The following NREP variants were observed in gnomAD, a reference collection of about 807,000 sequenced individuals.
The protein encoded by NREP is neuronal regeneration-related protein.
Under a neutral mutation model 8.6 loss-of-function variants are expected in NREP, and 5 were observed. The ratio of observed to expected loss-of-function variants is 0.58; its 90% confidence interval spans 0.30 to 1.22. The LOEUF (loss-of-function observed/expected upper bound fraction) is 1.22, where lower values mean the gene tolerates loss of function less well. Among genes scored for constraint, NREP ranks in the 50% most tolerant of loss-of-function variants. The pLI is 0.07. For missense variants in NREP, 86 were observed against 82.5 expected (o/e 1.04, Z -0.17); for synonymous variants, 27 against 28.0 (o/e 0.96, Z 0.11).
chr5:111,945,517 GAAAAAGGAAAAAGAAGA>G (rs754919785), intron 2 of NREP, among the ~76,000 whole-genome samples: 29 of 15,208 alleles, frequency 1.9e-3, no homozygotes, highest in South Asian at 6.9e-3. Context: ...GGAAAAAGAA[GAAAAAGGAAAAAGAAGA>G]AAAAATGAAA....
chr5:111,758,581 C>A (rs1281801875), upstream of NREP, among the ~76,000 whole-genome samples: 6 of 152,070 alleles, frequency 3.9e-5, no homozygotes, highest in Non-Finnish European at 8.8e-5. Context: ...AATTAAATTG[C>A]CTTTCCAAGA....
intron 2 of NREP, among the ~76,000 whole-genome samples, chr5:111,897,543 C>T (rs895211990): frequency 1.4e-4 from 22 of 152,072 alleles, no homozygotes; most frequent in African/African-American, 5.1e-4. Context: ...GTGAGCTTTC[C>T]TTCTGCTTTC....
At chr5:111,886,716 G>A (rs550524547) in intron 2 of NREP, among the ~76,000 whole-genome samples, 15 of 150,244 alleles carry the variant, frequency 1.0e-4, no homozygotes, top group South Asian at 2.1e-4. Context: ...GTAAACTATC[G>A]CAAGAACAAA....
Position 111,730,980 on chromosome 5 carries a change from T to C in NREP, c.148A>G (p.Thr50Ala), listed in dbSNP as rs750063511. 7.4e-5 allele frequency: 119 copies of C among 1,613,634 alleles called. No homozygotes were observed. Among genetic ancestry groups the C allele is most frequent in the Non-Finnish European group, 9.6e-5 (113 of 1,179,806 alleles). The change falls in exon 4 of 4, where the codon ACT becomes GCT. Residue 50 changes from threonine (T) to alanine (A), a missense_variant. By Grantham distance (58) the Thr-to-Ala change is moderately conservative. Coordinates refer to ENST00000257435, the MANE Select transcript of NREP (RefSeq NM_004772.4). ...CGGAGTTCACTGCTGCCCAGTGGAG[T>C]CAGGGAGGCAGCGTTTGTCTCATCG... ...KNDETNAASL[T>A]PLGSSELRSP...
chr5:111,955,257 G>C (rs1178855714), intron 2 of NREP, among the ~76,000 whole-genome samples: 1 of 152,080 alleles, frequency 6.6e-6, no homozygotes, highest in East Asian at 1.9e-4. Context: ...CAGTATGTAT[G>C]TATTCAAAGA....
intron 2 of NREP, among the ~76,000 whole-genome samples, chr5:111,905,654 T>C (rs10056269): frequency 0.11 from 16,763 of 152,128 alleles, 1,418 homozygotes; most frequent in African/African-American, 0.23. Context: ...AAGAGAACTT[T>C]ATGATTCAAT....
intron 2 of NREP, among the ~76,000 whole-genome samples, chr5:111,965,391 T>C (rs1464827303): frequency 1.3e-5 from 2 of 152,126 alleles, no homozygotes; most frequent in Admixed American, 6.5e-5. Context: ...TGGCAGGAGG[T>C]TGTATCTTTC....
At chr5:111,734,082 G>A (rs1748874653) in intron 3 of NREP, 1 of 152,228 alleles carries the variant, frequency 6.6e-6, no homozygotes, top group Non-Finnish European at 1.5e-5. Flanking sequence ...GTCTTTGTGT[G>A]AGACAAGACC....
intron 2 of NREP, among the ~76,000 whole-genome samples, chr5:111,767,601 C>T (rs897875911): frequency 3.3e-5 from 5 of 152,184 alleles, no homozygotes; most frequent in African/African-American, 4.8e-5. Context: ...ACTCCCTCTT[C>T]CACTTGTCCC....
intron 2 of NREP, among the ~76,000 whole-genome samples, chr5:111,970,921 C>A (rs140244999): frequency 6.6e-6 from 1 of 150,772 alleles, no homozygotes; most frequent in Non-Finnish European, 1.5e-5. Flanking sequence ...CTTTCTCTTG[C>A]GACAGCAGTT....
intron 2 of NREP, among the ~76,000 whole-genome samples, chr5:111,953,162 T>C (rs549461854): frequency 2.1e-4 from 32 of 152,134 alleles, no homozygotes; most frequent in African/African-American, 7.7e-4. Context: ...TTTCTTTCTT[T>C]TTTCTTTCAA....
chr5:111,831,833 G>A (rs1342618959), intron 2 of NREP, among the ~76,000 whole-genome samples: 1 of 152,130 alleles, frequency 6.6e-6, no homozygotes, highest in Admixed American at 6.5e-5. Flanking sequence ...CAAGATAGCT[G>A]CCAGACAAAA....
At chr5:111,907,171 TG>T (rs1487617183) in intron 2 of NREP, among the ~76,000 whole-genome samples, 1 of 152,130 alleles carries the variant, frequency 6.6e-6, no homozygotes, top group Non-Finnish European at 1.5e-5. Context: ...GTGTTTTTTT[TG>T]CCAAGCAGTT....
intron 2 of NREP, among the ~76,000 whole-genome samples, chr5:111,776,994 G>GAGT (rs944308518): frequency 7.9e-6 from 1 of 127,304 alleles, no homozygotes; most frequent in Non-Finnish European, 1.7e-5. Context: ...AAAGGATGAG[G>GAGT]AGGAGGAGGA....
chr5:111,959,184 T>C (rs1379276830), intron 2 of NREP, among the ~76,000 whole-genome samples: 1 of 152,024 alleles, frequency 6.6e-6, no homozygotes, highest in Non-Finnish European at 1.5e-5. Context: ...TATTTGACTA[T>C]ATAAAATGTA....
chr5:111,882,641 A>C (rs1581188564), intron 2 of NREP, among the ~76,000 whole-genome samples: 1 of 152,312 alleles, frequency 6.6e-6, no homozygotes. Flanking sequence ...CTCGGCAGAA[A>C]CTCTACAAGC....
intron 2 of NREP, among the ~76,000 whole-genome samples, chr5:111,794,162 GACA>G (rs1457548285): frequency 2.0e-5 from 3 of 152,308 alleles, no homozygotes; most frequent in African/African-American, 7.2e-5. Flanking sequence ...CTAAAACACT[GACA>G]ACATCAAATG....
At position 111,730,595 on chromosome 5, in the gene NREP, G is replaced by GTT. The variant is rs1314788798; in HGVS notation, c.*325_*326insAA. 4.8e-6 allele frequency: 1 copy of GTT among 206,398 alleles called. No individual in the cohort carries two copies. Among genetic ancestry groups the GTT allele is most frequent in the Admixed American group, 5.6e-5 (1 of 17,986 alleles). The allele number at this position is 206,398 out of a possible 1,614,324, so 12.8% of individuals were successfully genotyped here. A position where few individuals can be genotyped will look rare whatever the true frequency, so the allele number is the denominator to read the frequency against. ...CAGTCGGGAGCTGTGTGAGTGAAAA[G>GTT]GCAGGAGTGGACCGGTTGTGTGAGC... On this transcript the variant is annotated 3_prime_UTR_variant, in exon 4 of 4. Transcript: ENST00000257435.
At chr5:111,847,266 C>G (rs1050620201) in intron 2 of NREP, among the ~76,000 whole-genome samples, 2 of 152,206 alleles carry the variant, frequency 1.3e-5, no homozygotes, top group African/African-American at 4.8e-5. Flanking sequence ...TGTGAGGGTC[C>G]TCTTCCTGTT....
Sources: gnomAD v4.1 joint callset for allele counts (sites outside exome capture counted in the v4.1 genomes callset) on GRCh38, gnomAD v4.1.1 for gene constraint, MANE v1.5 for transcripts, NCBI Gene and HGNC (gene_info 2026-07-23, HGNC 2026-07-21) for gene names.